The following TRPV1 variants were observed in gnomAD, a reference collection of about 807,000 sequenced individuals.
TRPV1 encodes OTRPC1.
In TRPV1, 82 loss-of-function variants were observed where a neutral mutation model predicts 82.3. The ratio of observed to expected loss-of-function variants is 1.00; its 90% CI spans 0.83 to 1.20. TRPV1 has a LOEUF of 1.20. TRPV1 is among the 50% of genes most tolerant of loss of function. The pLI is 0.00. For missense variants in TRPV1, 1,067 were observed against 1,096.8 expected (o/e 0.97, Z 0.38); for synonymous variants, 515 against 467.7 (o/e 1.10, Z -1.30).
chr17:3,609,249 C>T (rs565332809), intron 1 of TRPV1, 60 bp downstream of exon 1: 1 of 152,002 alleles, frequency 6.6e-6, no homozygotes, highest in Non-Finnish European at 1.5e-5. Context: ...CATCTTAGAG[C>T]TTCCAGATAA....
At position 3,580,463 on chromosome 17, in the gene TRPV1, A is replaced by G. The variant is rs1244525387; in HGVS notation, c.1541T>C (p.Met514Thr). 2 of 1,613,934 alleles carry G rather than the reference A, an allele frequency of 1.2e-6. No individual in the cohort carries two copies. Among genetic ancestry groups the G allele is most frequent in the African/African-American group, 2.7e-5 (2 of 74,942 alleles). The stretch of plus-strand genomic sequence containing the variant: ...GAGTCAAAGTGTCACTTACAAAAGC[A>G]TCTCACTGTAGCTGTCCACAAACAG... ...KTLFVDSYSE[M>T]LFFLQSLFML... is the part of the protein sequence containing the mutation. The change falls in exon 11 of 17, where the codon ATG (methionine) becomes ACG (threonine). Residue 514 changes from methionine (M) to threonine (T), a missense_variant. Met to Thr is a moderately conservative substitution (Grantham distance 81). Transcript: ENST00000572705.
chr17:3,598,563 CTT>C (rs57290148), intron 2 of TRPV1, among the ~76,000 whole-genome samples: 41 of 116,772 alleles, frequency 3.5e-4, no homozygotes, highest in African/African-American at 1.0e-3. Flanking sequence ...CGCTTAGTCA[CTT>C]TTTTTTTTTT....
chr17:3,580,563 T>C (rs746070595), intron 10 of TRPV1, 36 bp from the exon 11 acceptor site: 17 of 1,609,216 alleles, frequency 1.1e-5, no homozygotes, highest in Non-Finnish European at 1.1e-5. Context: ...TCCCAGGCAA[T>C]GCTCGATGTG....
rs200030096 is a variant in TRPV1, at chr17:3,591,046, G to A, written c.522C>T (p.Ile174=). Residue 174 remains isoleucine (I), a synonymous_variant, in exon 5 of 17, where the codon ATC becomes ATT. Coordinates refer to ENST00000572705, the MANE Select transcript of TRPV1 (RefSeq NM_080704.4). Reference sequence around the variant, plus strand: ...GCCGCGCGATCTCCAGGAGCAGGGGGATGGTGGTGTTCTGTCCGTCGTGCA... The same window carrying A: ...GCCGCGCGATCTCCAGGAGCAGGGGAATGGTGGTGTTCTGTCCGTCGTGCA... ...LNLHDGQNTT[I]PLLLEIARQT... 8.1e-6 allele frequency: 13 copies of A among 1,613,110 alleles called. No homozygotes were observed. Among genetic ancestry groups the A allele is most frequent in the Non-Finnish European group, 1.0e-5 (12 of 1,179,636 alleles).
chr17:3,591,266 C>T lies in TRPV1; in HGVS notation c.372G>A (p.Gln124=). The change falls in exon 4 of 17, where the codon CAG becomes CAA. Residue 124 remains glutamine (Q), a synonymous_variant. Transcript: ENST00000572705. ...GGCTCTCCAGATCCTGGCAGTTATT[C>T]TGAGCAACGGCTTCAAAGATACTCC... ...DRRSIFEAVA[Q]NNCQDLESLL... 4 of 1,613,384 alleles carry T rather than the reference C, an allele frequency of 2.5e-6. No homozygotes were observed. The highest frequency in any genetic ancestry group is 1.7e-5 in the Admixed American group (1 of 59,980).
rs576128788 is a variant in TRPV1 at position 3,572,927 on chromosome 17, C to G, written c.2104-678G>C. ...GAAGTCGGGAGGCAGAGGTTGCAGT[C>G]AGCCAAGATCATGCCAATGCACTCC... is the stretch of plus-strand genomic sequence containing the variant. On this transcript the variant is annotated intron_variant, in intron 14 of 16. Coordinates refer to ENST00000572705, the MANE Select transcript of TRPV1 (RefSeq NM_080704.4). Among the ~76,000 whole-genome samples the G allele has an allele frequency of 3.3e-3, 464 of 141,696 alleles. 2 individuals carry two copies. The highest frequency in any genetic ancestry group is 0.015 in the Middle Eastern group (4 of 264). The allele number at this position is 141,696 out of a possible 152,430, so 93.0% of individuals were successfully genotyped here. A position where few individuals can be genotyped will look rare whatever the true frequency, so the allele number is the denominator to read the frequency against.
Position 3,597,690 on chromosome 17 carries a change from T to TTTG in TRPV1, c.-33-5308_-33-5307insCAA, listed in dbSNP as rs2075231515. On this transcript the variant is annotated intron_variant, in intron 2 of 16. Coordinates refer to ENST00000572705, the MANE Select transcript of TRPV1 (RefSeq NM_080704.4). ...TCATTTCCTTTTTTTTTTTTTTTTTTTGAGACAGAGTCTTACTCTGTCGTC... is the reference window on the plus strand; with the variant it reads ...TCATTTCCTTTTTTTTTTTTTTTTTTTTGTGAGACAGAGTCTTACTCTGTCGTC... 5.3e-5 allele frequency among the ~76,000 whole-genome samples: 8 copies of TTTG among 150,414 alleles called. No homozygotes were observed. The South Asian group carries it at 1.5e-3, about 28-fold the overall frequency.
rs747031489 is a variant in TRPV1, at chr17:3,566,788, G to A, written c.*27C>T. 3.1e-6 allele frequency: 5 copies of A among 1,609,802 alleles called. No individual in the cohort carries two copies. In the African/African-American group the frequency reaches 6.7e-5, roughly 22 times the overall value. ...GCAACGGGGTCTCCTAAGGCCCAGT[G>A]TTGACAGTGCTGTCTGCGTGACGTC... On this transcript the variant is annotated 3_prime_UTR_variant, in exon 17 of 17. Transcript: ENST00000572705.
At chr17:3,569,422 A>G (rs1030861047) in intron 16 of TRPV1, among the ~76,000 whole-genome samples, 1 of 152,194 alleles carries the variant, frequency 6.6e-6, no homozygotes, top group African/African-American at 2.4e-5. Flanking sequence ...GCAAGACTCC[A>G]TCTCAAAAAT....
intron 2 of TRPV1, among the ~76,000 whole-genome samples, chr17:3,603,255 T>C (rs1190572386): frequency 1.3e-5 from 2 of 152,092 alleles, no homozygotes; most frequent in Non-Finnish European, 2.9e-5. Flanking sequence ...TGCGAGCCGG[T>C]CAGCACCCTC....
chr17:3,585,988 C>T, intron 8 of TRPV1, 62 bp from the exon 9 acceptor site: 5 of 1,595,464 alleles, frequency 3.1e-6, no homozygotes, highest in African/African-American at 1.3e-5. Context: ...CACGCCCACA[C>T]CAGCCCGTGG....
chr17:3,571,250 G>A (rs1001727406), intron 16 of TRPV1, among the ~76,000 whole-genome samples: 3 of 152,204 alleles, frequency 2.0e-5, no homozygotes, highest in East Asian at 1.9e-4. Flanking sequence ...CCCCTGGGGC[G>A]CTGAGGACAG....
chr17:3,601,772 T>C (rs1045607272), intron 2 of TRPV1: 1 of 151,174 alleles, frequency 6.6e-6, no homozygotes, highest in African/African-American at 2.4e-5. Flanking sequence ...TTTTTTTTTT[T>C]TTTGGTAGCA....
At chr17:3,596,076 G>T (rs10491214) in intron 2 of TRPV1, among the ~76,000 whole-genome samples, 2 of 152,086 alleles carry the variant, frequency 1.3e-5, no homozygotes, top group African/African-American at 4.8e-5. Flanking sequence ...TGGAGATGGT[G>T]ATTCTGGTTT....
intron 2 of TRPV1, among the ~76,000 whole-genome samples, chr17:3,593,529 A>G (rs765861152): frequency 1.2e-4 from 18 of 151,858 alleles, no homozygotes; most frequent in Non-Finnish European, 2.5e-4. Flanking sequence ...CATAGCCTCT[A>G]TTCCCATCGG....
rs560107180 is a variant in TRPV1, at chr17:3,603,316, G to A, written c.-34+5111C>T. On this transcript the variant is annotated intron_variant, in intron 2 of 16. Transcript: ENST00000572705. ...GAGCTGGGGAGGGGTCAGACACCCA[G>A]TCAGCACAGAACGCTGGAGCCCCGC... is the stretch of plus-strand genomic sequence containing the variant. 2.9e-3 allele frequency among the ~76,000 whole-genome samples: 447 copies of A among 152,210 alleles called. 3 individuals are homozygous for A. The highest frequency in any genetic ancestry group is 9.9e-3 in the African/African-American group (412 of 41,542).
intron 2 of TRPV1, among the ~76,000 whole-genome samples, chr17:3,600,090 T>C (rs1011284717): frequency 6.6e-6 from 1 of 152,216 alleles, no homozygotes; most frequent in African/African-American, 2.4e-5. Flanking sequence ...GTCCCTGCTT[T>C]CCATTCTTTT....
At chr17:3,593,941 A>G (rs546061573) in intron 2 of TRPV1, among the ~76,000 whole-genome samples, 7 of 152,040 alleles carry the variant, frequency 4.6e-5, no homozygotes, top group African/African-American at 1.7e-4. Flanking sequence ...CCTGGCCAAC[A>G]TGGTGAAATC....
In TRPV1 at chr17:3,588,250, T is replaced by C. The variant is rs753419876; in HGVS notation, c.1162A>G (p.Ile388Val). Residue 388 changes from isoleucine (I) to valine (V), a missense_variant, in exon 8 of 17, where the codon ATC becomes GTC. By Grantham distance (29) the Ile-to-Val change is conservative. Transcript: ENST00000572705. Reference sequence around the variant, plus strand: ...ACCGAGTTCTTCTCGCAGGTGTCGATGCAGGACAGGTCGTACAGCGAGGAG... The same window carrying C: ...ACCGAGTTCTTCTCGCAGGTGTCGACGCAGGACAGGTCGTACAGCGAGGAG... ...VHSSLYDLSC[I>V]DTCEKNSVLE... 1 of 1,582,644 alleles carries C rather than the reference T, an allele frequency of 6.3e-7. No individual in the cohort carries two copies. Among genetic ancestry groups the C allele is most frequent in the Non-Finnish European group, 8.6e-7 (1 of 1,164,988 alleles).
Sources: allele counts gnomAD v4.1 joint callset (sites outside exome capture counted in the v4.1 genomes callset), GRCh38; gene constraint gnomAD v4.1.1; transcripts MANE v1.5; gene names NCBI Gene and HGNC (gene_info 2026-07-23, HGNC 2026-07-21).